The following PCDHA1 variants were observed in gnomAD, a reference collection of about 807,000 sequenced individuals.
The protein encoded by PCDHA1 is protocadherin alpha-1.
A neutral mutation model predicts 61.3 loss-of-function variants in PCDHA1; 42 were observed. The ratio of observed to expected loss-of-function variants is 0.69; its 90% CI spans 0.54 to 0.89. The LOEUF is 0.89. Among genes scored for constraint, PCDHA1 ranks in the 40% least tolerant of loss-of-function variants. PCDHA1 has a pLI of 0.00. For synonymous variants in PCDHA1, 610 were observed against 553.8 expected (o/e 1.10, Z -1.43); for missense variants, 1,256 against 1,235.3 (o/e 1.02, Z -0.25).
intron 1 of PCDHA1, chr5:140,821,497 C>A: frequency 3.2e-6 from 1 of 315,434 alleles, no homozygotes; most frequent in Non-Finnish European, 5.8e-6. Context: ...GAAATATTGA[C>A]GAATATAAGC....
At chr5:140,858,512 T>C in intron 1 of PCDHA1, 1 of 1,426,790 alleles carries the variant, frequency 7.0e-7, no homozygotes, top group Non-Finnish European at 9.7e-7. Flanking sequence ...CTCAAATATG[T>C]ATCAGAATAT....
chr5:140,859,882 T>C (rs2046069596), intron 1 of PCDHA1: 1 of 152,016 alleles, frequency 6.6e-6, no homozygotes, highest in Admixed American at 6.6e-5. Context: ...CTCTGATATT[T>C]TGAAAAAAAA....
At chr5:140,871,112 A>G (rs1554165130) in intron 1 of PCDHA1, 2 of 1,613,290 alleles carry the variant, frequency 1.2e-6, no homozygotes, top group Non-Finnish European at 1.7e-6. Context: ...TCGTTGGTGG[A>G]GAGCGGACAG....
At chr5:140,836,172 G>C (rs2150254671) in intron 1 of PCDHA1, 1 of 1,613,884 alleles carries the variant, frequency 6.2e-7, no homozygotes, top group East Asian at 2.2e-5. Flanking sequence ...GGTACGTGCA[G>C]TTGACGCTGA....
At chr5:140,928,065 T>G in intron 1 of PCDHA1, 20 of 1,614,198 alleles carry the variant, frequency 1.2e-5, no homozygotes, top group Non-Finnish European at 1.6e-5. Context: ...CGGCTTCCTT[T>G]GACAACTACT....
chr5:140,963,873 C>A (rs757553114), intron 1 of PCDHA1, among the ~76,000 whole-genome samples: 5 of 152,188 alleles, frequency 3.3e-5, no homozygotes, highest in Non-Finnish European at 5.9e-5. Flanking sequence ...GTTTTGCTTA[C>A]TATTGTTTTC....
At chr5:140,851,277 A>G in intron 1 of PCDHA1, 1 of 1,055,352 alleles carries the variant, frequency 9.5e-7, no homozygotes, top group East Asian at 4.9e-5. Context: ...TGTATTGTTT[A>G]TAAGAAACCC....
intron 1 of PCDHA1, chr5:140,797,045 T>C (rs1200494140): frequency 6.2e-7 from 1 of 1,613,672 alleles, no homozygotes; most frequent in Non-Finnish European, 8.5e-7. Flanking sequence ...GCTACGCTGG[T>C]GGATGTCAAC....
chr5:140,808,695 C>G, intron 1 of PCDHA1: 1 of 1,612,160 alleles, frequency 6.2e-7, no homozygotes, highest in Non-Finnish European at 8.5e-7. Flanking sequence ...GGGGAGCGCG[C>G]GCTGTCGAGC....
chr5:140,978,868 G>C (rs2096826928), intron 1 of PCDHA1, 81 bp from the exon 2 acceptor site: 2 of 1,606,078 alleles, frequency 1.2e-6, no homozygotes, highest in Non-Finnish European at 1.7e-6. Context: ...ATATTTAAGG[G>C]AGTAACTAAT....
chr5:140,993,012 C>G (rs1307637137), intron 3 of PCDHA1, among the ~76,000 whole-genome samples: 2 of 152,198 alleles, frequency 1.3e-5, no homozygotes, highest in Admixed American at 1.3e-4. Context: ...CCCCAGAGTC[C>G]AGCATCCCCT....
intron 3 of PCDHA1, among the ~76,000 whole-genome samples, chr5:141,002,136 G>C (rs2153972972): frequency 6.6e-6 from 1 of 152,374 alleles, no homozygotes; most frequent in East Asian, 1.9e-4. Flanking sequence ...GCCTTTGCCG[G>C]CTGCACTGAC....
intron 3 of PCDHA1, among the ~76,000 whole-genome samples, chr5:140,991,094 A>G (rs144874764): frequency 9.8e-4 from 150 of 152,358 alleles, no homozygotes; most frequent in African/African-American, 3.5e-3. Context: ...ATTAAAGCTC[A>G]TAAGAATTAA....
chr5:140,898,245 T>G (rs1583300763), intron 1 of PCDHA1, among the ~76,000 whole-genome samples: 1 of 152,246 alleles, frequency 6.6e-6, no homozygotes, highest in East Asian at 1.9e-4. Flanking sequence ...TTTGGTGTTT[T>G]AGACATGAAG....
chr5:140,899,468 G>A (rs1243330987), intron 1 of PCDHA1, among the ~76,000 whole-genome samples: 131 of 152,196 alleles, frequency 8.6e-4, no homozygotes, highest in Admixed American at 2.5e-3. Context: ...TTTGTCTTTG[G>A]TTCTGTTTAT....
chr5:140,860,923 G>A (rs1419430467), intron 1 of PCDHA1: 5 of 152,248 alleles, frequency 3.3e-5, no homozygotes, highest in African/African-American at 9.7e-5. Flanking sequence ...ATTTTTAGTA[G>A]AGACGAGGTT....
chr5:140,802,945 G>T lies in PCDHA1; in HGVS notation c.2394+14261G>T, dbSNP rs782172179. ...GGCGCAGTGAGCGAGCTGGTGCCGC[G>T]GTCAGTGGGTGCGGGCCACGTGGTA... On this transcript the variant is annotated intron_variant, in intron 1 of 3. Transcript: ENST00000504120. The T allele has an allele frequency of 7.4e-6, 12 of 1,613,774 alleles. No homozygotes were observed. The African/African-American group carries it at 1.3e-4, about 18-fold the overall frequency.
At chr5:140,910,907 G>T (rs1554194477) in intron 1 of PCDHA1, among the ~76,000 whole-genome samples, 3 of 152,102 alleles carry the variant, frequency 2.0e-5, no homozygotes, top group Admixed American at 2.0e-4. Flanking sequence ...CTGTCCTCCA[G>T]ATTTTTGCTT....
At chr5:140,856,023 G>A in intron 1 of PCDHA1, 2 of 1,556,224 alleles carry the variant, frequency 1.3e-6, no homozygotes, top group Non-Finnish European at 8.7e-7. Context: ...CTGATTCGTC[G>A]ATTTGTAAAA....
Sources: gnomAD v4.1 joint callset for allele counts (sites outside exome capture counted in the v4.1 genomes callset) on GRCh38, gnomAD v4.1.1 for gene constraint, MANE v1.5 for transcripts, NCBI Gene and HGNC (gene_info 2026-07-23, HGNC 2026-07-21) for gene names.